Variants in SOX5 observed in about 807,000 individuals in gnomAD.
The protein encoded by SOX5 is transcription factor SOX-5.
SOX5 carries 9 observed loss-of-function variants against 92.0 expected under a neutral mutation model. The observed-to-expected ratio is 0.10, with a 90% CI of 0.06 to 0.17. The LOEUF (loss-of-function observed/expected upper bound fraction) is 0.17. Ranked by LOEUF, SOX5 falls within the 10% of genes least tolerant of loss-of-function variation. The pLI is 1.00. For missense variants in SOX5, 642 were observed against 944.5 expected, an observed-to-expected ratio of 0.68 and a Z score of 4.20; for synonymous variants, 344 against 336.3, an observed-to-expected ratio of 1.02 and a Z score of -0.25.
At chr12:24,354,889 C>A (rs887847076) in intron 2 of SOX5, among the ~76,000 whole-genome samples, 3 of 152,056 alleles carry the variant, frequency 2.0e-5, no homozygotes, top group African/African-American at 7.2e-5. Flanking sequence ...ATCAAGGATG[C>A]TTAAATCAAA....
intron 1 of SOX5, among the ~76,000 whole-genome samples, chr12:24,410,895 A>G (rs933493430): frequency 2.0e-5 from 3 of 152,182 alleles, no homozygotes; most frequent in African/African-American, 7.2e-5. Flanking sequence ...CCTGTGTGTC[A>G]GTTTGAGGAG....
intron 4 of SOX5, among the ~76,000 whole-genome samples, chr12:23,964,533 A>G (rs1193363188): frequency 6.6e-5 from 10 of 152,214 alleles, no homozygotes; most frequent in South Asian, 4.1e-4. Flanking sequence ...TTCAAGGCCA[A>G]CTTTGTAAGG....
At chr12:24,152,060 G>C (rs1488893307) in intron 4 of SOX5, among the ~76,000 whole-genome samples, 3 of 151,874 alleles carry the variant, frequency 2.0e-5, no homozygotes, top group Non-Finnish European at 4.4e-5. Flanking sequence ...ATCACTGAAG[G>C]GCTTTCAACT....
intron 3 of SOX5, chr12:23,762,407 C>T (rs2094586143): frequency 5.3e-6 from 2 of 378,846 alleles, no homozygotes; most frequent in Non-Finnish European, 9.4e-6. Context: ...AGATTCCCCC[C>T]TCTAAAAAAT....
chr12:24,306,972 A>C (rs1056759470), intron 2 of SOX5, among the ~76,000 whole-genome samples: 14 of 152,056 alleles, frequency 9.2e-5, no homozygotes, highest in African/African-American at 3.4e-4. Flanking sequence ...ACCTTCCAAA[A>C]ACTACACGAT....
intron 3 of SOX5, among the ~76,000 whole-genome samples, chr12:23,793,614 A>C (rs1438194399): frequency 3.3e-5 from 5 of 152,200 alleles, no homozygotes; most frequent in African/African-American, 1.2e-4. Flanking sequence ...TAGGGTAAGC[A>C]AGATCATGTT....
At chr12:23,680,535 T>G (rs1055634375) in intron 6 of SOX5, among the ~76,000 whole-genome samples, 3 of 151,622 alleles carry the variant, frequency 2.0e-5, no homozygotes, top group African/African-American at 7.3e-5. Flanking sequence ...GTTTAACAAA[T>G]GCTTGGTCAA....
chr12:23,881,239 G>A (rs1181734410), intron 2 of SOX5, among the ~76,000 whole-genome samples: 6 of 152,122 alleles, frequency 3.9e-5, no homozygotes, highest in African/African-American at 7.2e-5. Flanking sequence ...TGCTCAAGTC[G>A]ATTTGCACTG....
chr12:23,717,928 T>C (rs902226174), intron 6 of SOX5, among the ~76,000 whole-genome samples: 3 of 152,206 alleles, frequency 2.0e-5, no homozygotes, highest in Non-Finnish European at 4.4e-5. Flanking sequence ...CTTGATGAGA[T>C]TTTTCCTTTT....
At chr12:23,810,241 T>C (rs977799090) in intron 3 of SOX5, among the ~76,000 whole-genome samples, 3 of 152,126 alleles carry the variant, frequency 2.0e-5, no homozygotes, top group Admixed American at 2.0e-4. Flanking sequence ...CACGACAGAA[T>C]ATAGATAAGT....
intron 3 of SOX5, among the ~76,000 whole-genome samples, chr12:23,818,178 T>C (rs1048967182): frequency 6.6e-6 from 1 of 152,130 alleles, no homozygotes; most frequent in African/African-American, 2.4e-5. Context: ...TTCTGAGAAA[T>C]GTGTTAGGTG....
intron 3 of SOX5, among the ~76,000 whole-genome samples, chr12:24,251,734 G>T (rs1421135512): frequency 6.6e-6 from 1 of 151,852 alleles, no homozygotes; most frequent in South Asian, 2.1e-4. Context: ...ACCACGCCCA[G>T]CTAATTTTTG....
At chr12:24,254,343 T>C (rs1485868592) in intron 3 of SOX5, among the ~76,000 whole-genome samples, 1 of 151,752 alleles carries the variant, frequency 6.6e-6, no homozygotes, top group Admixed American at 6.6e-5. Context: ...TGCTCCTTGA[T>C]TTGTGAGGGG....
chr12:23,604,957 C>T lies in SOX5; in HGVS notation c.1018-424G>A, dbSNP rs144170133. The stretch of plus-strand genomic sequence containing the variant: ...CCCTGTATGCCTCTTTCTTTGATTT[C>T]TTGAAATGGGCACCCGAAACAATTT... On this transcript the variant is annotated intron_variant, in intron 8 of 14. Coordinates refer to ENST00000451604, the MANE Select transcript of SOX5 (RefSeq NM_006940.6). Among the ~76,000 whole-genome samples the T allele has an allele frequency of 2.5e-3, 380 of 152,128 alleles. 1 individual carries two copies. Among genetic ancestry groups the T allele is most frequent in the African/African-American group, 8.6e-3 (359 of 41,526 alleles).
chr12:24,480,922 AG>A (rs1945921302), intron 1 of SOX5, among the ~76,000 whole-genome samples: 1 of 151,580 alleles, frequency 6.6e-6, no homozygotes, highest in Non-Finnish European at 1.5e-5. Flanking sequence ...TCCAAAGGAA[AG>A]GAAATCAGTA....
chr12:24,328,412 C>T (rs1950948746), intron 2 of SOX5, among the ~76,000 whole-genome samples: 1 of 152,092 alleles, frequency 6.6e-6, no homozygotes, highest in African/African-American at 2.4e-5. Context: ...TACTGAAATC[C>T]CTGCCAAGCA....
intron 4 of SOX5, among the ~76,000 whole-genome samples, chr12:24,190,851 T>C (rs539338466): frequency 1.3e-5 from 2 of 152,346 alleles, no homozygotes; most frequent in Admixed American, 1.3e-4. Context: ...ATAACCTCTT[T>C]ATATGAATTA....
chr12:24,326,568 T>C (rs1950704616), intron 2 of SOX5, among the ~76,000 whole-genome samples: 1 of 152,222 alleles, frequency 6.6e-6, no homozygotes, highest in Non-Finnish European at 1.5e-5. Context: ...AGCGGTGCTG[T>C]GCTTTTCCTT....
intron 6 of SOX5, among the ~76,000 whole-genome samples, chr12:23,721,053 C>T (rs955698990): frequency 1.7e-4 from 26 of 151,654 alleles, no homozygotes; most frequent in African/African-American, 6.3e-4. Flanking sequence ...TCTCTAAAGT[C>T]TGTTTTTCTA....
Sources: gnomAD v4.1 joint callset for allele counts (sites outside exome capture counted in the v4.1 genomes callset) on GRCh38, gnomAD v4.1.1 for gene constraint, MANE v1.5 for transcripts, NCBI Gene and HGNC (gene_info 2026-07-23, HGNC 2026-07-21) for gene names.